Variants in NREP observed in about 807,000 individuals in gnomAD.
The protein encoded by NREP is neuronal regeneration related protein, also known as neuronal regeneration-related protein.
In NREP, 5 loss-of-function variants were observed where a neutral mutation model predicts 8.6. That is an observed-to-expected ratio of 0.58 (90% CI 0.30 to 1.22). NREP has a LOEUF of 1.22. Ranked by LOEUF, NREP falls within the 50% of genes most tolerant of loss-of-function variation. The pLI is 0.07. For synonymous variants in NREP, 27 were observed against 28.0 expected, an observed-to-expected ratio of 0.96 and a Z score of 0.11; for missense variants, 86 against 82.5, an observed-to-expected ratio of 1.04 and a Z score of -0.17.
At chr5:111,904,164 G>A (rs1357765743) in intron 2 of NREP, among the ~76,000 whole-genome samples, 1 of 151,880 alleles carries the variant, frequency 6.6e-6, no homozygotes, top group Non-Finnish European at 1.5e-5. Context: ...TTAATATCTT[G>A]CATTCATGTG....
upstream of NREP, chr5:111,757,862 G>A (rs1750834642): frequency 1.0e-6 from 1 of 977,704 alleles, no homozygotes; most frequent in Non-Finnish European, 1.2e-6. Flanking sequence ...CGCCAAGCGT[G>A]AAGGCGGCCA....
At chr5:111,874,251 G>T (rs1003883737) in intron 2 of NREP, among the ~76,000 whole-genome samples, 1 of 152,104 alleles carries the variant, frequency 6.6e-6, no homozygotes, top group African/African-American at 2.4e-5. Context: ...ATGTTAAAAT[G>T]AATCACTTGT....
chr5:111,915,142 T>C (rs1380705601), intron 2 of NREP, among the ~76,000 whole-genome samples: 1 of 152,120 alleles, frequency 6.6e-6, no homozygotes, highest in Non-Finnish European at 1.5e-5. Context: ...CTCAGGCTAC[T>C]GAGCTATGCA....
intron 2 of NREP, among the ~76,000 whole-genome samples, chr5:111,920,824 G>A (rs952498650): frequency 6.6e-6 from 1 of 152,106 alleles, no homozygotes; most frequent in African/African-American, 2.4e-5. Context: ...CTGGTTCAAG[G>A]TAGCTCTTCT....
chr5:111,728,914 G>C (rs1402264103), downstream of NREP: 1 of 134,416 alleles, frequency 7.4e-6, no homozygotes, highest in African/African-American at 3.5e-5. Flanking sequence ...TTTTGGCAGG[G>C]AAAAAGAAAG....
intron 2 of NREP, among the ~76,000 whole-genome samples, chr5:111,946,079 C>A (rs540659663): frequency 8.2e-6 from 1 of 121,632 alleles, no homozygotes; most frequent in Admixed American, 9.3e-5. Flanking sequence ...TTTGATCACA[C>A]ACACACACAC....
At chr5:111,803,608 A>G (rs545207026) in intron 2 of NREP, among the ~76,000 whole-genome samples, 5 of 152,320 alleles carry the variant, frequency 3.3e-5, no homozygotes, top group Admixed American at 3.3e-4. Flanking sequence ...TGCAAGTAGG[A>G]AAGACAAAGT....
At chr5:111,894,153 AG>A (rs1221641912) in intron 2 of NREP, among the ~76,000 whole-genome samples, 2 of 152,106 alleles carry the variant, frequency 1.3e-5, no homozygotes, top group Non-Finnish European at 2.9e-5. Flanking sequence ...CAGGAGGCAG[AG>A]GTTGCAGTGA....
intron 2 of NREP, among the ~76,000 whole-genome samples, chr5:111,737,434 T>C (rs1257018709): frequency 1.3e-5 from 2 of 152,184 alleles, no homozygotes; most frequent in South Asian, 2.1e-4. Context: ...TAGTGAGAAA[T>C]TAAGTTCTGT....
intron 2 of NREP, among the ~76,000 whole-genome samples, chr5:111,934,331 T>C (rs991263117): frequency 3.9e-5 from 6 of 151,974 alleles, no homozygotes; most frequent in African/African-American, 1.4e-4. Context: ...TATAGTTGGA[T>C]AGTTAGATAA....
upstream of NREP, among the ~76,000 whole-genome samples, chr5:111,760,855 G>C (rs255900): frequency 0.18 from 27,022 of 152,216 alleles, 2,775 homozygotes; most frequent in East Asian, 0.49. Flanking sequence ...CAGTAGAAAA[G>C]GATGTACTTT....
intron 2 of NREP, among the ~76,000 whole-genome samples, chr5:111,963,939 G>C (rs1446726471): frequency 2.0e-5 from 3 of 152,186 alleles, no homozygotes; most frequent in Non-Finnish European, 4.4e-5. Context: ...TAATACCAAT[G>C]TGCACATAGA....
chr5:111,860,701 T>C (rs1459617056), intron 2 of NREP, among the ~76,000 whole-genome samples: 1 of 152,186 alleles, frequency 6.6e-6, no homozygotes, highest in African/African-American at 2.4e-5. Context: ...ACCTGACATA[T>C]AATAGACACC....
chr5:111,829,907 C>G (rs190015713), intron 2 of NREP, among the ~76,000 whole-genome samples: 1 of 152,126 alleles, frequency 6.6e-6, no homozygotes, highest in African/African-American at 2.4e-5. Flanking sequence ...ACTACTATAC[C>G]AGCTCTTACA....
At chr5:111,780,178 T>A (rs2112882229) in intron 2 of NREP, among the ~76,000 whole-genome samples, 1 of 152,328 alleles carries the variant, frequency 6.6e-6, no homozygotes, top group South Asian at 2.1e-4. Flanking sequence ...TCCTTTCTCT[T>A]GCAGAAAGAG....
chr5:111,823,157 C>A (rs890200411), intron 2 of NREP, among the ~76,000 whole-genome samples: 5 of 152,130 alleles, frequency 3.3e-5, no homozygotes, highest in Non-Finnish European at 7.4e-5. Context: ...GGGTAGGGGT[C>A]AGGTTCTTTT....
chr5:111,801,583 A>C (rs999986609), intron 2 of NREP, among the ~76,000 whole-genome samples: 5 of 152,218 alleles, frequency 3.3e-5, no homozygotes, highest in Non-Finnish European at 7.3e-5. Context: ...CCAGAAATGA[A>C]ATAAAAACAG....
At chr5:111,757,348 G>C, upstream of NREP, 1 of 895,964 alleles carries the variant, frequency 1.1e-6, no homozygotes, top group African/African-American at 1.8e-5. Flanking sequence ...GTGCAGCCTT[G>C]GAAAAAGGAG....
At chr5:111,922,700 A>C (rs1755279383) in intron 2 of NREP, among the ~76,000 whole-genome samples, 1 of 152,126 alleles carries the variant, frequency 6.6e-6, no homozygotes, top group African/African-American at 2.4e-5. Context: ...TCCCTAGATG[A>C]AAAGTTTGGT....
Sources: allele counts gnomAD v4.1 joint callset (sites outside exome capture counted in the v4.1 genomes callset), GRCh38; gene constraint gnomAD v4.1.1; transcripts MANE v1.5; gene names NCBI Gene and HGNC (gene_info 2026-07-23, HGNC 2026-07-21).